The following NUBPL variants were observed in gnomAD, a reference collection of about 807,000 sequenced individuals.
NUBPL encodes iron-sulfur cluster transfer protein NUBPL.
NUBPL carries 31 observed loss-of-function variants against 45.7 expected under a neutral mutation model. The ratio of observed to expected loss-of-function variants is 0.68; its 90% CI spans 0.51 to 0.92. The LOEUF (loss-of-function observed/expected upper bound fraction) is 0.92, where lower values mean the gene tolerates loss of function less well. NUBPL is among the 40% of genes least tolerant of loss of function. NUBPL has a pLI of 0.00. For missense variants in NUBPL, 401 were observed against 398.7 expected (o/e 1.01, Z -0.05); for synonymous variants, 144 against 140.9 (o/e 1.02, Z -0.15).
At chr14:31,830,563 T>C (rs1451911112) in intron 8 of NUBPL, among the ~76,000 whole-genome samples, 1 of 152,222 alleles carries the variant, frequency 6.6e-6, no homozygotes, top group Non-Finnish European at 1.5e-5. Context: ...ACATTATTTC[T>C]TCTAGAAAGC....
chr14:31,607,249 G>A (rs2034626906), intron 4 of NUBPL, among the ~76,000 whole-genome samples: 1 of 151,982 alleles, frequency 6.6e-6, no homozygotes, highest in Non-Finnish European at 1.5e-5. Flanking sequence ...TGGGCGTGGT[G>A]GTGTATGCCT....
At chr14:31,772,005 T>C in intron 6 of NUBPL, 1 of 436,966 alleles carries the variant, frequency 2.3e-6, no homozygotes, top group Non-Finnish European at 3.0e-6. Context: ...TGTCTGTAGA[T>C]ACTCTTAGGG....
intron 8 of NUBPL, among the ~76,000 whole-genome samples, chr14:31,842,080 G>A (rs1035400498): frequency 1.3e-5 from 2 of 151,084 alleles, no homozygotes; most frequent in Non-Finnish European, 3.0e-5. Context: ...ACAGGCACCC[G>A]CCACCACGCC....
At chr14:31,780,268 C>T (rs1183574425) in intron 6 of NUBPL, among the ~76,000 whole-genome samples, 1 of 151,628 alleles carries the variant, frequency 6.6e-6, no homozygotes, top group Non-Finnish European at 1.5e-5. Context: ...TGGGGTTTCA[C>T]CAAGTTGGCC....
chr14:31,759,812 CATG>C, intron 6 of NUBPL, among the ~76,000 whole-genome samples: 1 of 150,852 alleles, frequency 6.6e-6, no homozygotes, highest in Non-Finnish European at 1.5e-5. Flanking sequence ...CAGTACATTA[CATG>C]AGATGTTCAA....
At chr14:31,830,391 G>C (rs995453544) in intron 8 of NUBPL, among the ~76,000 whole-genome samples, 1 of 152,110 alleles carries the variant, frequency 6.6e-6, no homozygotes, top group Non-Finnish European at 1.5e-5. Flanking sequence ...ATTCTGAGAT[G>C]CATGAAAACA....
intron 6 of NUBPL, among the ~76,000 whole-genome samples, chr14:31,765,321 A>G (rs963393933): frequency 6.6e-6 from 1 of 152,240 alleles, no homozygotes; most frequent in African/African-American, 2.4e-5. Flanking sequence ...AGATATTTTT[A>G]AAATTACACA....
intron 8 of NUBPL, among the ~76,000 whole-genome samples, chr14:31,827,070 T>C (rs1413639655): frequency 6.6e-6 from 1 of 152,172 alleles, no homozygotes; most frequent in African/African-American, 2.4e-5. Flanking sequence ...AAAAAAAGAT[T>C]ACTTTTTTCC....
intron 3 of NUBPL, among the ~76,000 whole-genome samples, chr14:31,579,103 C>G (rs2033795996): frequency 6.6e-6 from 1 of 152,112 alleles, no homozygotes. Context: ...GAAGCATAAG[C>G]CTTCTCCAAA....
intron 6 of NUBPL, among the ~76,000 whole-genome samples, chr14:31,688,960 A>G (rs927243468): frequency 2.0e-5 from 3 of 151,446 alleles, no homozygotes; most frequent in Non-Finnish European, 4.4e-5. Flanking sequence ...ATAGTGGCCT[A>G]CAGCTCCATC....
rs1051469422 is a variant in NUBPL at position 31,850,209 on chromosome 14, C to A, written c.897+8C>A. ...CAGCCTGAAAGTGATGAGGTAAGTTCCATTTTTGGATACATATTTTTATTT... is the reference window on the plus strand; with the variant it reads ...CAGCCTGAAAGTGATGAGGTAAGTTACATTTTTGGATACATATTTTTATTT... On this transcript the variant is annotated splice_region_variant and intron_variant, in intron 10 of 10. Coordinates refer to ENST00000281081, the MANE Select transcript of NUBPL (RefSeq NM_025152.3). 3 of 1,605,232 alleles carry A rather than the reference C, an allele frequency of 1.9e-6. No individual in the cohort carries two copies. In the African/African-American group the frequency reaches 4.0e-5, roughly 21 times the overall value.
At chr14:31,801,353 G>A (rs542264572) in intron 7 of NUBPL, among the ~76,000 whole-genome samples, 1 of 152,078 alleles carries the variant, frequency 6.6e-6, no homozygotes, top group Non-Finnish European at 1.5e-5. Context: ...GAGTTTGAGG[G>A]GCACAGAGGG....
At chr14:31,791,885 T>A (rs1375943594) in intron 7 of NUBPL, among the ~76,000 whole-genome samples, 1 of 152,204 alleles carries the variant, frequency 6.6e-6, no homozygotes, top group African/African-American at 2.4e-5. Flanking sequence ...GACAGTAGAT[T>A]TCTGTATGAA....
chr14:31,736,001 C>T (rs188845658), intron 6 of NUBPL, among the ~76,000 whole-genome samples: 50 of 152,258 alleles, frequency 3.3e-4, no homozygotes, highest in African/African-American at 1.2e-3. Context: ...TAACTTGTTA[C>T]AATAGGTATA....
At chr14:31,834,744 A>T (rs1214307219) in intron 8 of NUBPL, among the ~76,000 whole-genome samples, 1 of 152,224 alleles carries the variant, frequency 6.6e-6, no homozygotes, top group Non-Finnish European at 1.5e-5. Flanking sequence ...TGAAATACAG[A>T]ACATCATTTC....
At chr14:31,657,446 G>A (rs1243847173) in intron 4 of NUBPL, among the ~76,000 whole-genome samples, 1 of 152,120 alleles carries the variant, frequency 6.6e-6, no homozygotes, top group Admixed American at 6.6e-5. Context: ...GTTTATATAA[G>A]TCTTATAGCC....
chr14:31,844,567 T>C (rs1166415900), intron 8 of NUBPL: 3 of 152,260 alleles, frequency 2.0e-5, no homozygotes, highest in Non-Finnish European at 4.4e-5. Context: ...TAGATTTATG[T>C]CTTTTTACTA....
At chr14:31,726,695 T>A (rs2037933917) in intron 6 of NUBPL, among the ~76,000 whole-genome samples, 1 of 151,792 alleles carries the variant, frequency 6.6e-6, no homozygotes, top group African/African-American at 2.4e-5. Context: ...TCACAGGTCA[T>A]CTGGATACTT....
intron 6 of NUBPL, among the ~76,000 whole-genome samples, chr14:31,731,502 G>A (rs117305198): frequency 0.064 from 9,698 of 152,236 alleles, 410 homozygotes; most frequent in Non-Finnish European, 0.091. Context: ...GTTTTCTGCT[G>A]TAACTTCTCA....
Sources: allele counts gnomAD v4.1 joint callset (sites outside exome capture counted in the v4.1 genomes callset), GRCh38; gene constraint gnomAD v4.1.1; transcripts MANE v1.5; gene names NCBI Gene and HGNC (gene_info 2026-07-23, HGNC 2026-07-21).